PDE4D: variants seen among roughly 807,000 people sequenced by gnomAD.
PDE4D encodes 3',5'-cyclic-AMP phosphodiesterase 4D.
A neutral mutation model predicts 87.4 loss-of-function variants in PDE4D; 24 were observed. The observed-to-expected ratio is 0.27, with a 90% CI of 0.20 to 0.39. The LOEUF (loss-of-function observed/expected upper bound fraction) is 0.39. PDE4D is among the 10% of genes least tolerant of loss of function. PDE4D has a pLI of 1.00. For missense variants in PDE4D, 714 were observed against 1,041.0 expected (o/e 0.69, Z 4.32); for synonymous variants, 384 against 383.2 (o/e 1.00, Z -0.02).
At chr5:59,038,007 G>A (rs1166447858) in intron 6 of PDE4D, among the ~76,000 whole-genome samples, 1 of 152,154 alleles carries the variant, frequency 6.6e-6, no homozygotes, top group East Asian at 1.9e-4. Context: ...GAATCCTTCA[G>A]CCATCTGCAT....
intron 1 of PDE4D, among the ~76,000 whole-genome samples, chr5:59,551,746 A>G (rs1332998193): frequency 6.6e-6 from 1 of 152,216 alleles, no homozygotes; most frequent in Non-Finnish European, 1.5e-5. Flanking sequence ...ATTAAAATCA[A>G]AAATAAAATG....
intron 1 of PDE4D, among the ~76,000 whole-genome samples, chr5:59,629,834 T>G (rs930283314): frequency 6.6e-6 from 1 of 152,354 alleles, no homozygotes; most frequent in African/African-American, 2.4e-5. Flanking sequence ...ATAATTTGCC[T>G]GAGGAAATAT....
At chr5:60,516,252 G>A (rs932092310) in intron 1 of PDE4D, among the ~76,000 whole-genome samples, 1 of 152,194 alleles carries the variant, frequency 6.6e-6, no homozygotes, top group Non-Finnish European at 1.5e-5. Flanking sequence ...AGGTTACCAG[G>A]GCTCAGTGTC....
intron 1 of PDE4D, among the ~76,000 whole-genome samples, chr5:59,622,820 T>C (rs144069721): frequency 3.3e-5 from 5 of 152,270 alleles, no homozygotes; most frequent in African/African-American, 9.6e-5. Flanking sequence ...CCATGGCAAA[T>C]TCATCACCCC....
intron 2 of PDE4D, among the ~76,000 whole-genome samples, chr5:60,131,887 AGCTTCTGCCATGTTATTAGG>A (rs1216116153): frequency 6.6e-5 from 10 of 152,184 alleles, no homozygotes; most frequent in Admixed American, 6.6e-4. Context: ...GAGCCTTGTT[AGCTTCTGCCATGTTATTAGG>A]GCTTCTTCTT....
chr5:59,505,946 C>A (rs1809187664), intron 1 of PDE4D, among the ~76,000 whole-genome samples: 1 of 151,952 alleles, frequency 6.6e-6, no homozygotes, highest in Admixed American at 6.6e-5. Context: ...AGCTCCATTG[C>A]CCTAAAGAAA....
intron 11 of PDE4D, among the ~76,000 whole-genome samples, chr5:58,978,370 C>T (rs1051908628): frequency 5.9e-5 from 9 of 152,062 alleles, no homozygotes; most frequent in East Asian, 1.9e-4. Context: ...GCCATTATAT[C>T]GTGCCACTGC....
chr5:60,173,192 T>G (rs1193351429), intron 2 of PDE4D, among the ~76,000 whole-genome samples: 1 of 152,046 alleles, frequency 6.6e-6, no homozygotes, highest in Non-Finnish European at 1.5e-5. Context: ...GTGTCCAAAG[T>G]AAGGAATTTG....
intron 1 of PDE4D, among the ~76,000 whole-genome samples, chr5:59,602,143 C>G (rs1190507786): frequency 1.3e-5 from 2 of 152,004 alleles, no homozygotes; most frequent in Non-Finnish European, 2.9e-5. Flanking sequence ...TGTAATATAT[C>G]ACATTAACAG....
intron 3 of PDE4D, among the ~76,000 whole-genome samples, chr5:59,982,043 CT>C (rs2152826015): frequency 6.6e-6 from 1 of 152,300 alleles, no homozygotes; most frequent in South Asian, 2.1e-4. Context: ...GGAAATATTT[CT>C]GGAAGATCCT....
At chr5:59,466,514 G>A (rs2153649174) in intron 1 of PDE4D, among the ~76,000 whole-genome samples, 1 of 152,284 alleles carries the variant, frequency 6.6e-6, no homozygotes, top group East Asian at 1.9e-4. Context: ...CGAGAATGCT[G>A]TTGGGCCTCC....
At chr5:59,563,646 A>G (rs1017405703) in intron 1 of PDE4D, among the ~76,000 whole-genome samples, 2 of 152,192 alleles carry the variant, frequency 1.3e-5, no homozygotes, top group African/African-American at 4.8e-5. Flanking sequence ...TAGAAATGGA[A>G]TCATAAAAAA....
At chr5:60,445,083 G>A (rs906836011) in intron 1 of PDE4D, among the ~76,000 whole-genome samples, 3 of 152,068 alleles carry the variant, frequency 2.0e-5, no homozygotes, top group Non-Finnish European at 4.4e-5. Context: ...TCCAATTTGT[G>A]TTTTAGAACA....
intron 1 of PDE4D, among the ~76,000 whole-genome samples, chr5:59,348,283 CTT>C (rs999272650): frequency 6.6e-6 from 1 of 152,112 alleles, no homozygotes; most frequent in African/African-American, 2.4e-5. Flanking sequence ...TTTGGGGCAA[CTT>C]ATATCTACTG....
At chr5:60,297,308 C>A (rs1011442458) in intron 1 of PDE4D, among the ~76,000 whole-genome samples, 6 of 152,014 alleles carry the variant, frequency 3.9e-5, no homozygotes, top group African/African-American at 1.4e-4. Context: ...AGGCTGGTAA[C>A]AAGGAGCCTA....
intron 5 of PDE4D, among the ~76,000 whole-genome samples, chr5:59,077,481 T>TTC (rs1554063134): frequency 6.7e-6 from 1 of 150,156 alleles, no homozygotes; most frequent in Non-Finnish European, 1.5e-5. Flanking sequence ...TCTTCTTTTT[T>TTC]TTTTTTTTTT....
At chr5:59,454,451 G>A (rs911809958) in intron 1 of PDE4D, among the ~76,000 whole-genome samples, 3 of 152,206 alleles carry the variant, frequency 2.0e-5, no homozygotes, top group Non-Finnish European at 4.4e-5. Flanking sequence ...CGCCATCCAT[G>A]TAAGACGTGA....
At chr5:59,411,021 A>G (rs1412129695) in intron 1 of PDE4D, among the ~76,000 whole-genome samples, 1 of 152,138 alleles carries the variant, frequency 6.6e-6, no homozygotes, top group Non-Finnish European at 1.5e-5. Context: ...TTATTTTTAT[A>G]GCATAAATTT....
At chr5:59,868,939 A>T (rs747855668) in intron 1 of PDE4D, among the ~76,000 whole-genome samples, 18 of 152,246 alleles carry the variant, frequency 1.2e-4, no homozygotes, top group Non-Finnish European at 2.1e-4. Context: ...AGAATGGGAA[A>T]TGCAGCATCT....
Sources: allele counts gnomAD v4.1 joint callset (sites outside exome capture counted in the v4.1 genomes callset), GRCh38; gene constraint gnomAD v4.1.1; transcripts MANE v1.5; gene names NCBI Gene and HGNC (gene_info 2026-07-23, HGNC 2026-07-21).